The following NCAN variants were observed in gnomAD, a reference collection of about 807,000 sequenced individuals.
NCAN encodes the protein neurocan, also known as neurocan core protein.
NCAN carries 47 observed loss-of-function variants against 121.8 expected under a neutral mutation model. That is an observed-to-expected ratio of 0.39 (90% CI 0.31 to 0.49). The LOEUF (loss-of-function observed/expected upper bound fraction) is 0.49. NCAN is among the 20% of genes least tolerant of loss of function. The probability of loss-of-function intolerance (pLI) is 0.92; values close to 1 mark genes in which losing one functional copy is unlikely to be tolerated. For synonymous variants in NCAN, 633 were observed against 702.0 expected (o/e 0.90, Z 1.55); for missense variants, 1,517 against 1,773.4 (o/e 0.86, Z 2.60).
In NCAN at chr19:19,245,341, C is replaced by T. The variant is rs765282686; in HGVS notation, c.3521C>T (p.Pro1174Leu). 6.2e-6 allele frequency: 10 copies of T among 1,614,102 alleles called. No homozygotes were observed. In the East Asian group the frequency reaches 1.1e-4, roughly 18 times the overall value. ...LQFENWRENQ[P>L]DNFFAGGEDC... ...TTTGAGAACTGGCGAGAGAACCAGC[C>T]GGACAATTTCTTCGCGGGTGGCGAG... The change falls in exon 13 of 15, where the codon CCG becomes CTG. Residue 1174 changes from proline to leucine, a missense_variant. Coordinates refer to ENST00000252575, the MANE Select transcript of NCAN (RefSeq NM_004386.3).
At chr19:19,243,298 A>G (rs1028592559) in intron 12 of NCAN, among the ~76,000 whole-genome samples, 1 of 151,780 alleles carries the variant, frequency 6.6e-6, no homozygotes, top group African/African-American at 2.4e-5. Flanking sequence ...TGGATGGATC[A>G]CAAGGTCAGG....
At chr19:19,214,285 G>C (rs570006222) in intron 1 of NCAN, among the ~76,000 whole-genome samples, 1 of 152,294 alleles carries the variant, frequency 6.6e-6, no homozygotes, top group South Asian at 2.1e-4. Context: ...GCACCCCGCA[G>C]GCCCCTGCTT....
rs532412223 is a variant in NCAN at position 19,244,309 on chromosome 19, C to CTTTTTTTTTT, written c.3493-996_3493-987dup. On this transcript the variant is annotated intron_variant, in intron 12 of 14. Coordinates refer to ENST00000252575, the MANE Select transcript of NCAN (RefSeq NM_004386.3). ...TGTTCCCTGTCTGAACCCTTACTAT[C>CTTTTTTTTTT]TTTTTTTTTTTTTTTTTGAGATAGA... Among the ~76,000 whole-genome samples, 124 of 127,604 alleles carry CTTTTTTTTTT rather than the reference C, an allele frequency of 9.7e-4. 3 individuals are homozygous for CTTTTTTTTTT. Among genetic ancestry groups the CTTTTTTTTTT allele is most frequent in the African/African-American group, 3.6e-3 (116 of 32,234 alleles). 83.7% of individuals were successfully genotyped at this position (127,604 alleles called of 152,430 possible).
intron 10 of NCAN, 36 bp downstream of exon 10, chr19:19,235,132 G>T: frequency 6.7e-7 from 1 of 1,483,494 alleles, no homozygotes; most frequent in South Asian, 1.2e-5. Context: ...ACAGTACCAA[G>T]AGTGGGGTTG....
At chr19:19,216,419 C>A (rs1299518166) in intron 1 of NCAN, among the ~76,000 whole-genome samples, 1 of 151,940 alleles carries the variant, frequency 6.6e-6, no homozygotes, top group Non-Finnish European at 1.5e-5. Context: ...TCAAGTAATT[C>A]TCCTGCCTCA....
intron 12 of NCAN, among the ~76,000 whole-genome samples, chr19:19,241,188 G>A (rs558575578): frequency 1.3e-4 from 20 of 152,134 alleles, no homozygotes; most frequent in African/African-American, 3.1e-4. Context: ...CCTGTGAGGC[G>A]GAGGTTGCAG....
intron 8 of NCAN, among the ~76,000 whole-genome samples, chr19:19,231,544 G>A (rs1445360738): frequency 6.6e-6 from 1 of 151,860 alleles, no homozygotes; most frequent in East Asian, 2.0e-4. Context: ...GACCAGGTTG[G>A]TCTCAAGCTC....
chr19:19,248,030 C>G (rs2060931244), intron 13 of NCAN, among the ~76,000 whole-genome samples: 1 of 151,878 alleles, frequency 6.6e-6, no homozygotes, highest in Non-Finnish European at 1.5e-5. Flanking sequence ...CACCTGTAGT[C>G]TCAGCTACTT....
At chr19:19,213,996 A>G (rs966545825) in intron 1 of NCAN, among the ~76,000 whole-genome samples, 5 of 152,012 alleles carry the variant, frequency 3.3e-5, no homozygotes, top group Non-Finnish European at 1.5e-5. Flanking sequence ...CATGTGCTCC[A>G]CCCGGTGCAC....
At chr19:19,240,369 C>T (rs1443258382) in intron 11 of NCAN, among the ~76,000 whole-genome samples, 1 of 151,972 alleles carries the variant, frequency 6.6e-6, no homozygotes, top group Admixed American at 6.6e-5. Flanking sequence ...TCACCCGGCC[C>T]CCAGCCCACA....
Position 19,245,327 on chromosome 19 carries a change from G to C in NCAN, c.3507G>C (p.Trp1169Cys). The C allele has an allele frequency of 6.2e-7, 1 of 1,614,198 alleles. No individual in the cohort carries two copies. Among genetic ancestry groups the C allele is most frequent in the Non-Finnish European group, 8.5e-7 (1 of 1,180,020 alleles). ...TATTCCTGCAGCAATTTGAGAACTG[G>C]CGAGAGAACCAGCCGGACAATTTCT... is the stretch of plus-strand genomic sequence containing the variant. ...TDNTGLQFEN[W>C]RENQPDNFFA... The change falls in exon 13 of 15, where the codon TGG becomes TGC. Residue 1169 changes from tryptophan (W) to cysteine (C), a missense_variant. Trp to Cys is a radical substitution (Grantham distance 215, BLOSUM62 -2). Transcript: ENST00000252575.
chr19:19,232,409 G>A (rs1230870921), intron 8 of NCAN, among the ~76,000 whole-genome samples: 5 of 152,234 alleles, frequency 3.3e-5, no homozygotes, highest in African/African-American at 7.2e-5. Flanking sequence ...GTGTCCCGCC[G>A]CCTGGCAGCC....
chr19:19,249,066 T>C, intron 14 of NCAN, 184 bp downstream of exon 14: 6 of 618,188 alleles, frequency 9.7e-6, no homozygotes, highest in Non-Finnish European at 1.4e-5. Flanking sequence ...TGTGTGTGTG[T>C]GTGTGTGTGT....
At position 19,219,170 on chromosome 19, in the gene NCAN, G is replaced by A. The variant is rs751642327; in HGVS notation, c.329G>A (p.Arg110Gln). The A allele has an allele frequency of 2.5e-6, 4 of 1,613,378 alleles. No individual in the cohort carries two copies. Among genetic ancestry groups the A allele is most frequent in the East Asian group, 2.2e-5 (1 of 44,878 alleles). The change falls in exon 3 of 15, where the codon CGA (arginine) becomes CAA (glutamine). Residue 110 changes from arginine (R) to glutamine (Q), a missense_variant. Coordinates refer to ENST00000252575, the MANE Select transcript of NCAN (RefSeq NM_004386.3). The stretch of plus-strand genomic sequence containing the variant: ...AGGGTGGCCAAAAGCTGGCAGGGAC[G>A]AGTGTCACTGCCTTCCTACCCCCGG... ...VVRVAKSWQG[R>Q]VSLPSYPRRR...
intron 5 of NCAN, 93 bp from the exon 6 acceptor site, chr19:19,224,884 G>C (rs575887701): frequency 8.8e-7 from 1 of 1,141,662 alleles, no homozygotes; most frequent in Non-Finnish European, 1.2e-6. Flanking sequence ...ACCCTAACAC[G>C]TCCAGGTCGG....
chr19:19,213,270 G>T (rs2060782082), intron 1 of NCAN, among the ~76,000 whole-genome samples: 1 of 152,100 alleles, frequency 6.6e-6, no homozygotes, highest in South Asian at 2.1e-4. Flanking sequence ...CCCCAGACAG[G>T]CAGGGAGGGG....
intron 12 of NCAN, among the ~76,000 whole-genome samples, chr19:19,244,728 CTTTTT>C (rs201995446): frequency 2.2e-5 from 3 of 136,478 alleles, no homozygotes; most frequent in African/African-American, 5.4e-5. Flanking sequence ...TTTTCTTTTC[CTTTTT>C]TTTTTTTTTT....
Position 19,227,117 on chromosome 19 carries a change from G to A in NCAN, c.1660+44G>A, listed in dbSNP as rs1403822349. 2.0e-6 allele frequency: 3 copies of A among 1,499,586 alleles called. No individual in the cohort carries two copies. The highest frequency in any genetic ancestry group is 2.7e-6 in the Non-Finnish European group (3 of 1,126,780). 92.9% of individuals were successfully genotyped at this position (1,499,586 alleles called of 1,614,324 possible). A position where few individuals can be genotyped will look rare whatever the true frequency, so the allele number is the denominator to read the frequency against. ...GGCGGGACCTACCTGGGGATCTGGAGGTGAGGGTAGAGAGGTAGCCATGGC... is the reference window on the plus strand; with the variant it reads ...GGCGGGACCTACCTGGGGATCTGGAAGTGAGGGTAGAGAGGTAGCCATGGC... On this transcript the variant is annotated intron_variant, in intron 7 of 14. Coordinates refer to ENST00000252575, the MANE Select transcript of NCAN (RefSeq NM_004386.3). The surrounding 1 kb of genome is among the most constrained non-coding windows in gnomAD (Gnocchi z 4.2).
Position 19,248,691 on chromosome 19 carries a change from C to G in NCAN, c.3638-9C>G, listed in dbSNP as rs10423874. The G allele has an allele frequency of 0.17, 280,293 of 1,609,822 alleles. 27,778 individuals are homozygous for G. The highest frequency in any genetic ancestry group is 0.44 in the African/African-American group (32,642 of 74,802). ...AGCACCTCTCTCACTAGAGATTCCTCTGTCCCAGTGCTCTGTGGTCCCCCT... is the reference window on the plus strand; with the variant it reads ...AGCACCTCTCTCACTAGAGATTCCTGTGTCCCAGTGCTCTGTGGTCCCCCT... On this transcript the variant is annotated splice_polypyrimidine_tract_variant and intron_variant, in intron 13 of 14. Transcript: ENST00000252575.
Sources: allele counts gnomAD v4.1 joint callset (sites outside exome capture counted in the v4.1 genomes callset), GRCh38; gene constraint gnomAD v4.1.1; non-coding constraint Gnocchi (gnomAD v3.1); transcripts MANE v1.5; gene names NCBI Gene and HGNC (gene_info 2026-07-23, HGNC 2026-07-21).